Variants in PAG1 observed in about 807,000 individuals in gnomAD.
The protein encoded by PAG1 is phosphoprotein associated with glycosphingolipid-enriched microdomains 1.
PAG1 carries 23 observed loss-of-function variants against 31.7 expected under a neutral mutation model. That is an observed-to-expected ratio of 0.73 (90% CI 0.52 to 1.03). PAG1 has a LOEUF of 1.03. Ranked by LOEUF, PAG1 falls within the 50% of genes least tolerant of loss-of-function variation. PAG1 has a pLI of 0.00. For synonymous variants in PAG1, 214 were observed against 210.3 expected (o/e 1.02, Z -0.15); for missense variants, 473 against 540.7 (o/e 0.87, Z 1.24).
At chr8:81,025,307 TA>T (rs1448701487) in intron 3 of PAG1, among the ~76,000 whole-genome samples, 1 of 152,204 alleles carries the variant, frequency 6.6e-6, no homozygotes, top group Non-Finnish European at 1.5e-5. Context: ...CTGCAATAAG[TA>T]AATCAATTTA....
At chr8:81,082,098 C>T (rs1042759942) in intron 1 of PAG1, among the ~76,000 whole-genome samples, 2 of 151,452 alleles carry the variant, frequency 1.3e-5, no homozygotes, top group Admixed American at 1.3e-4. Context: ...ACTAAAAATA[C>T]AAAAATCAGC....
intron 3 of PAG1, among the ~76,000 whole-genome samples, chr8:81,022,821 G>A (rs1234553619): frequency 1.3e-5 from 2 of 152,082 alleles, no homozygotes; most frequent in Admixed American, 6.5e-5. Flanking sequence ...TCTATGATGT[G>A]GACAGGGCAA....
At chr8:81,015,504 C>G (rs528812867) in intron 3 of PAG1, among the ~76,000 whole-genome samples, 86 of 152,284 alleles carry the variant, frequency 5.6e-4, no homozygotes, top group Non-Finnish European at 1.0e-3. Context: ...ATTTCTGCAA[C>G]AGGGAAAGAA....
At chr8:80,982,408 C>A (rs1807326642) in intron 7 of PAG1, among the ~76,000 whole-genome samples, 1 of 152,164 alleles carries the variant, frequency 6.6e-6, no homozygotes, top group African/African-American at 2.4e-5. Flanking sequence ...TTCCAGGACT[C>A]CACAACTTTC....
chr8:81,105,855 G>A (rs1037426102), intron 1 of PAG1, among the ~76,000 whole-genome samples: 1 of 151,986 alleles, frequency 6.6e-6, no homozygotes, highest in Non-Finnish European at 1.5e-5. Flanking sequence ...TGCAACCCTG[G>A]GGCTCTCTCA....
intron 1 of PAG1, among the ~76,000 whole-genome samples, chr8:81,083,627 A>G (rs1001445460): frequency 7.9e-5 from 12 of 152,186 alleles, no homozygotes; most frequent in South Asian, 6.2e-4. Flanking sequence ...CCATTTTGCT[A>G]GGCTCTACCT....
intron 6 of PAG1, among the ~76,000 whole-genome samples, chr8:80,986,790 C>A (rs1807432464): frequency 7.5e-6 from 1 of 133,834 alleles, no homozygotes; most frequent in East Asian, 2.2e-4. Flanking sequence ...TCACAAGGGT[C>A]CCTATAAGTG....
intron 3 of PAG1, among the ~76,000 whole-genome samples, chr8:80,998,785 C>G (rs899245090): frequency 2.0e-5 from 3 of 152,106 alleles, no homozygotes; most frequent in African/African-American, 7.2e-5. Flanking sequence ...TGAAGCAGGT[C>G]TAGGTCAGTA....
chr8:81,063,522 A>T (rs1231068767), intron 2 of PAG1, among the ~76,000 whole-genome samples: 11 of 152,194 alleles, frequency 7.2e-5, no homozygotes, highest in Non-Finnish European at 1.6e-4. Flanking sequence ...GGAGTCTCTA[A>T]AAAACATTTT....
At chr8:80,981,824 T>A (rs930445529) in intron 7 of PAG1, among the ~76,000 whole-genome samples, 1 of 150,780 alleles carries the variant, frequency 6.6e-6, no homozygotes, top group African/African-American at 2.5e-5. Flanking sequence ...ACAAACCTAG[T>A]CCTACTCCGA....
intron 7 of PAG1, among the ~76,000 whole-genome samples, chr8:80,981,663 T>C (rs1217761520): frequency 6.6e-6 from 1 of 152,092 alleles, no homozygotes; most frequent in Non-Finnish European, 1.5e-5. Flanking sequence ...GGATTTTCCA[T>C]GTTCCTCCTT....
chr8:81,081,071 C>G (rs1408936559), intron 1 of PAG1, among the ~76,000 whole-genome samples: 1 of 152,144 alleles, frequency 6.6e-6, no homozygotes, highest in Non-Finnish European at 1.5e-5. Flanking sequence ...AATCATTCCA[C>G]CTCCCTGCGT....
At chr8:80,989,294 T>C (rs1807489168) in intron 5 of PAG1, among the ~76,000 whole-genome samples, 1 of 152,154 alleles carries the variant, frequency 6.6e-6, no homozygotes, top group Non-Finnish European at 1.5e-5. Flanking sequence ...ATGTTATAAA[T>C]GGGCAGGCAT....
At chr8:81,102,222 G>T (rs1343684775) in intron 1 of PAG1, among the ~76,000 whole-genome samples, 1 of 152,024 alleles carries the variant, frequency 6.6e-6, no homozygotes, top group African/African-American at 2.4e-5. Context: ...TGCCTATATT[G>T]TAATTTTTCA....
At chr8:80,989,521 G>A (rs1408958066) in intron 5 of PAG1, among the ~76,000 whole-genome samples, 2 of 152,176 alleles carry the variant, frequency 1.3e-5, no homozygotes, top group Non-Finnish European at 2.9e-5. Context: ...GTAAGCATGC[G>A]TTCCTGTGTG....
At position 80,993,319 on chromosome 8, in the gene PAG1, C is replaced by A. The variant is rs1807598631; in HGVS notation, c.-80-12G>T. 4.6e-6 allele frequency: 6 copies of A among 1,311,472 alleles called. No homozygotes were observed. The highest frequency in any genetic ancestry group is 6.2e-6 in the Non-Finnish European group (6 of 961,486). 81.2% of individuals were successfully genotyped at this position (1,311,472 alleles called of 1,614,324 possible). On this transcript the variant is annotated splice_polypyrimidine_tract_variant and intron_variant, in intron 3 of 8. Coordinates refer to ENST00000220597, the MANE Select transcript of PAG1 (RefSeq NM_018440.4). ...CAGAGAGCTGTGTCCTGCAAAGAGACCAGTGCGTTTGGAGAGTAATTCTCG... is the reference window on the plus strand; with the variant it reads ...CAGAGAGCTGTGTCCTGCAAAGAGAACAGTGCGTTTGGAGAGTAATTCTCG...
chr8:80,984,244 A>C (rs1807367857), intron 7 of PAG1, among the ~76,000 whole-genome samples: 2 of 152,182 alleles, frequency 1.3e-5, no homozygotes, highest in Non-Finnish European at 2.9e-5. Flanking sequence ...GAATATCTAA[A>C]TTTAGGAAGT....
intron 1 of PAG1, among the ~76,000 whole-genome samples, chr8:81,076,373 G>A (rs532793591): frequency 6.6e-6 from 1 of 152,296 alleles, no homozygotes; most frequent in East Asian, 1.9e-4. Context: ...ATGATGTGAG[G>A]GTGACTAGAT....
In PAG1 at chr8:81,066,874, T is replaced by C. The variant is rs143052992; in HGVS notation, c.-175+3238A>G. Among the ~76,000 whole-genome samples the C allele has an allele frequency of 2.0e-5, 3 of 152,208 alleles. No homozygotes were observed. In the East Asian group the frequency reaches 5.8e-4, roughly 29 times the overall value. On this transcript the variant is annotated intron_variant, in intron 2 of 8. Coordinates refer to ENST00000220597, the MANE Select transcript of PAG1 (RefSeq NM_018440.4). ...TTTTTCATCATAAGCAGTTTAAAAG[T>C]ATGAGGCTGGGCATGGTGGTTCATG...
Sources: allele counts gnomAD v4.1 joint callset (sites outside exome capture counted in the v4.1 genomes callset), GRCh38; gene constraint gnomAD v4.1.1; transcripts MANE v1.5; gene names NCBI Gene and HGNC (gene_info 2026-07-23, HGNC 2026-07-21).